HSF5: variants seen among roughly 807,000 people sequenced by gnomAD.
HSF5 encodes the protein heat shock transcription factor 5.
A neutral mutation model predicts 50.8 loss-of-function variants in HSF5; 5 were observed. That is an observed-to-expected ratio of 0.10 (90% CI 0.05 to 0.21). HSF5 has a LOEUF of 0.21. HSF5 is among the 10% of genes least tolerant of loss of function. The probability of loss-of-function intolerance (pLI) is 1.00; values close to 1 mark genes in which losing one functional copy is unlikely to be tolerated. For missense variants in HSF5, 564 were observed against 762.6 expected (o/e 0.74, Z 3.07); for synonymous variants, 307 against 307.4 (o/e 1.00, Z 0.02).
chr17:58,445,291 T>C (rs1045734454), intron 5 of HSF5, among the ~76,000 whole-genome samples: 1 of 152,132 alleles, frequency 6.6e-6, no homozygotes, highest in Non-Finnish European at 1.5e-5. Context: ...CTCAAAGAGA[T>C]AGTTGGAGCC....
rs1974749160 is a variant in HSF5 at position 58,458,801 on chromosome 17, G to A, written c.1687C>T (p.His563Tyr). ...TTTCCTTGTTGTGAGTTGCTTCTGT[G>A]CTCTCTGTATCTGGCTGGAGTGGCT... is the stretch of plus-strand genomic sequence containing the variant. ...GLATPARYREHRSNSQQGKSP... is the reference protein window; with the variant it reads ...GLATPARYREYRSNSQQGKSP... Residue 563 changes from histidine (H) to tyrosine (Y), a missense_variant, in exon 5 of 6, where the codon CAC (histidine) becomes TAC (tyrosine). This residue lies in a region of HSF5 where 441 missense variants were observed against 533.6 expected (regional missense o/e 0.83). Transcript: ENST00000323777. The A allele has an allele frequency of 6.2e-7, 1 of 1,613,486 alleles. No individual in the cohort carries two copies. The highest frequency in any genetic ancestry group is 1.7e-5 in the Admixed American group (1 of 59,872).
At chr17:58,434,127 G>A (rs1490377994) in intron 5 of HSF5, among the ~76,000 whole-genome samples, 2 of 151,696 alleles carry the variant, frequency 1.3e-5, no homozygotes, top group East Asian at 3.9e-4. Flanking sequence ...TGGCCAGGTT[G>A]GTCAAGAACT....
rs757247807 is a variant in HSF5, at chr17:58,463,110, G to C, written c.1214C>G (p.Ser405Cys). Residue 405 changes from serine (S) to cysteine (C), a missense_variant, in exon 4 of 6, where the codon TCT becomes TGT. By Grantham distance (112) the Ser-to-Cys change is moderately radical. Around this residue, in one of 5 missense-constraint regions of HSF5, gnomAD observed 441 missense variants for 533.6 expected, o/e 0.83. Transcript: ENST00000323777. ...AGCTAAAATGTGTTGGCCTCTGTAAGACGGAGATGTTGGGCACTGATTCTC... is the reference window on the plus strand; with the variant it reads ...AGCTAAAATGTGTTGGCCTCTGTAACACGGAGATGTTGGGCACTGATTCTC... ...PVENQCPTSP[S>C]YRGQHILANS... The C allele has an allele frequency of 6.8e-6, 11 of 1,614,204 alleles. No individual in the cohort carries two copies. Among genetic ancestry groups the C allele is most frequent in the Middle Eastern group, 1.6e-4 (1 of 6,062 alleles).
chr17:58,422,558 T>C lies in HSF5; in HGVS notation c.1721-128A>G, dbSNP rs878868749. The C allele has an allele frequency of 9.8e-6, 6 of 612,336 alleles. No homozygotes were observed. In the East Asian group the frequency reaches 1.4e-4, roughly 15 times the overall value. The allele number at this position is 612,336 out of a possible 1,614,324, so 37.9% of individuals were successfully genotyped here. A position where few individuals can be genotyped will look rare whatever the true frequency, so the allele number is the denominator to read the frequency against. On this transcript the variant is annotated intron_variant, in intron 5 of 5. Transcript: ENST00000323777. ...CTGGCTCTAAAATTGTATAGTCCCA[T>C]CAGATTCTCAATTTCGGGATATTCC...
chr17:58,486,238 G>A (rs546267135), intron 1 of HSF5, among the ~76,000 whole-genome samples: 2 of 152,028 alleles, frequency 1.3e-5, no homozygotes, highest in East Asian at 1.9e-4. Context: ...GGTGGCACGC[G>A]CCTGTATTCC....
At chr17:58,441,809 G>C (rs527277132) in intron 5 of HSF5, among the ~76,000 whole-genome samples, 2 of 152,362 alleles carry the variant, frequency 1.3e-5, no homozygotes, top group African/African-American at 4.8e-5. Context: ...GAAAATCTTT[G>C]CAGTTTCCAT....
chr17:58,434,303 C>T (rs1050653880), intron 5 of HSF5, among the ~76,000 whole-genome samples: 3 of 152,012 alleles, frequency 2.0e-5, no homozygotes, highest in South Asian at 2.1e-4. Flanking sequence ...TTAGGCCGGG[C>T]GTAGTGGCTC....
intron 2 of HSF5, among the ~76,000 whole-genome samples, chr17:58,471,910 G>T (rs1016947557): frequency 6.6e-6 from 1 of 152,118 alleles, no homozygotes; most frequent in Non-Finnish European, 1.5e-5. Context: ...CGGGAGTGCA[G>T]TGGCGCGATC....
At chr17:58,473,225 G>C (rs1974972209) in intron 2 of HSF5, among the ~76,000 whole-genome samples, 1 of 151,952 alleles carries the variant, frequency 6.6e-6, no homozygotes, top group South Asian at 2.1e-4. Context: ...TATTTAAAGA[G>C]TACTAAGAAC....
At chr17:58,460,732 A>G (rs1458837963) in intron 4 of HSF5, among the ~76,000 whole-genome samples, 1 of 151,430 alleles carries the variant, frequency 6.6e-6, no homozygotes, top group Non-Finnish European at 1.5e-5. Flanking sequence ...GATGGTCTCG[A>G]TCTCCTGACC....
intron 1 of HSF5, among the ~76,000 whole-genome samples, chr17:58,482,709 C>CAAAAAAAAA (rs34783781): frequency 7.4e-5 from 1 of 13,448 alleles, no homozygotes; most frequent in Non-Finnish European, 1.3e-4. Context: ...GACTCCATCT[C>CAAAAAAAAA]AAAAAAAAAA....
In HSF5 at chr17:58,480,158, A is replaced by G. The variant is rs766365997; in HGVS notation, c.660T>C (p.Gly220=). The part of the protein sequence containing the change: ...SHDHSTYPLK[G]LDRTPVPHRI... Reference sequence around the variant, plus strand: ...TATGAGGAACTGGGGTCCGATCTAAACCTTTCAGAGGGTAAGTACTGTGGT... The same window carrying G: ...TATGAGGAACTGGGGTCCGATCTAAGCCTTTCAGAGGGTAAGTACTGTGGT... The change falls in exon 2 of 6, where the codon GGT becomes GGC. Residue 220 remains glycine, a synonymous_variant. Transcript: ENST00000323777. 13 of 1,614,152 alleles carry G rather than the reference A, an allele frequency of 8.1e-6. No homozygotes were observed. The South Asian group carries it at 1.1e-4, about 14-fold the overall frequency.
At chr17:58,467,059 T>A in intron 2 of HSF5, 80 bp from the exon 3 acceptor site, 1 of 879,330 alleles carries the variant, frequency 1.1e-6, no homozygotes, top group Non-Finnish European at 1.8e-6. Flanking sequence ...TCTTTCAACA[T>A]GGAAAGAAAT....
chr17:58,472,030 G>T (rs1224011391), intron 2 of HSF5, among the ~76,000 whole-genome samples: 3 of 151,160 alleles, frequency 2.0e-5, no homozygotes, highest in African/African-American at 7.3e-5. Flanking sequence ...ATTTTTTTTG[G>T]ATTTTTAGTA....
intron 5 of HSF5, among the ~76,000 whole-genome samples, chr17:58,422,843 G>A (rs531057583): frequency 2.1e-4 from 32 of 151,948 alleles, no homozygotes; most frequent in Admixed American, 2.0e-3. Flanking sequence ...TTACAGGCAT[G>A]CACCACCACG....
At position 58,421,498 on chromosome 17, in the gene HSF5, A is replaced by T. The variant is rs1315760163; in HGVS notation, c.*862T>A. On this transcript the variant is annotated 3_prime_UTR_variant, in exon 6 of 6. Transcript: ENST00000323777. ...TCCTTTCAAAATAAAAATACTACAC[A>T]TGCATCCTTTATCCTTCTATCCTGC... The T allele has an allele frequency of 6.6e-6, 1 of 152,314 alleles. No homozygotes were observed. The highest frequency in any genetic ancestry group is 2.4e-5 in the African/African-American group (1 of 41,456). 9.4% of individuals were successfully genotyped at this position (152,314 alleles called of 1,614,324 possible).
At chr17:58,454,998 C>G (rs894762962) in intron 5 of HSF5, among the ~76,000 whole-genome samples, 15 of 152,016 alleles carry the variant, frequency 9.9e-5, no homozygotes, top group Non-Finnish European at 2.1e-4. Context: ...TATAGCAATA[C>G]AAAAGACCCC....
chr17:58,485,445 C>G (rs917302143), intron 1 of HSF5, among the ~76,000 whole-genome samples: 1 of 150,878 alleles, frequency 6.6e-6, no homozygotes, highest in East Asian at 2.0e-4. Context: ...GGAAGAGCAT[C>G]AAAAATCAAG....
chr17:58,424,704 T>C (rs1263022014), intron 5 of HSF5, among the ~76,000 whole-genome samples: 1 of 151,470 alleles, frequency 6.6e-6, no homozygotes, highest in African/African-American at 2.4e-5. Context: ...AAGGATTGCT[T>C]GAGCCCAGGA....
Sources: allele counts gnomAD v4.1 joint callset (sites outside exome capture counted in the v4.1 genomes callset), GRCh38; gene constraint gnomAD v4.1.1; regional missense constraint gnomAD v4.1.1; transcripts MANE v1.5; gene names NCBI Gene and HGNC (gene_info 2026-07-23, HGNC 2026-07-21).